The following ZNF333 variants were observed in gnomAD, a reference collection of about 807,000 sequenced individuals.
ZNF333 encodes zinc finger protein 333.
A neutral mutation model predicts 76.1 loss-of-function variants in ZNF333; 61 were observed. That is an observed-to-expected ratio of 0.80 (90% CI 0.65 to 0.99). The LOEUF is 0.99. Among genes scored for constraint, ZNF333 ranks in the 50% least tolerant of loss-of-function variants. ZNF333 has a pLI of 0.00. For missense variants in ZNF333, 717 were observed against 822.4 expected (o/e 0.87, Z 1.57); for synonymous variants, 284 against 305.0 (o/e 0.93, Z 0.72).
chr19:14,721,044 T>C lies in ZNF333; in HGVS notation c.*1719T>C. 1 of 824,674 alleles carries C rather than the reference T, an allele frequency of 1.2e-6. No homozygotes were observed. The highest frequency in any genetic ancestry group is 1.5e-6 in the Non-Finnish European group (1 of 683,732). The allele number at this position is 824,674 out of a possible 1,614,324, so 51.1% of individuals were successfully genotyped here. On this transcript the variant is annotated 3_prime_UTR_variant, in exon 12 of 12. Transcript: ENST00000292530. ...AACCATTCATTGTAATGATAGTAAA[T>C]ACTTATTTAGAGTTTACTATTAATA...
intron 7 of ZNF333, 46 bp from the exon 8 acceptor site, chr19:14,715,336 C>T: frequency 2.5e-6 from 4 of 1,577,950 alleles, no homozygotes; most frequent in South Asian, 1.1e-5. Flanking sequence ...TGAGTGTGCC[C>T]AGTAGGCCAG....
At chr19:14,702,106 A>G (rs532154138) in intron 5 of ZNF333, among the ~76,000 whole-genome samples, 22 of 152,262 alleles carry the variant, frequency 1.4e-4, no homozygotes, top group Admixed American at 2.6e-4. Flanking sequence ...TCCCTGTCAC[A>G]TGGGAAAAAG....
intron 5 of ZNF333, among the ~76,000 whole-genome samples, chr19:14,701,223 A>G (rs1215870505): frequency 2.0e-5 from 3 of 152,092 alleles, no homozygotes; most frequent in East Asian, 3.9e-4. Context: ...TCATTACAGA[A>G]CATCCTTTTT....
At position 14,699,155 on chromosome 19, in the gene ZNF333, A is replaced by G. The variant is rs749890500; in HGVS notation, c.224-44A>G. ...ATATATATTTTCAATTAATGTCACTATTTCTTTCTGAAAGGAGTTCATTTT... is the reference window on the plus strand; with the variant it reads ...ATATATATTTTCAATTAATGTCACTGTTTCTTTCTGAAAGGAGTTCATTTT... On this transcript the variant is annotated intron_variant, in intron 4 of 11. Transcript: ENST00000292530. The G allele has an allele frequency of 4.9e-6, 7 of 1,438,204 alleles. No individual in the cohort carries two copies. The Admixed American group carries it at 1.0e-4, about 21-fold the overall frequency. 89.1% of individuals were successfully genotyped at this position (1,438,204 alleles called of 1,614,324 possible). A position where few individuals can be genotyped will look rare whatever the true frequency, so the allele number is the denominator to read the frequency against.
At chr19:14,699,166 A>G in intron 4 of ZNF333, 33 bp from the exon 5 acceptor site, 1 of 1,539,630 alleles carries the variant, frequency 6.5e-7, no homozygotes, top group Admixed American at 1.7e-5. Context: ...TTTCTTTCTG[A>G]AAGGAGTTCA....
At chr19:14,697,871 T>G (rs1424922842) in intron 4 of ZNF333, among the ~76,000 whole-genome samples, 1 of 152,220 alleles carries the variant, frequency 6.6e-6, no homozygotes, top group East Asian at 1.9e-4. Flanking sequence ...ATCCAATTCC[T>G]CTTTAAATTT....
intron 3 of ZNF333, 82 bp downstream of exon 3, chr19:14,695,215 G>A (rs1973090824): frequency 6.5e-6 from 10 of 1,532,878 alleles, no homozygotes; most frequent in African/African-American, 4.1e-5. Context: ...GAAGACAGAC[G>A]TGGCTTAGGC....
rs1301281928 is a variant in ZNF333, at chr19:14,718,387, A to T, written c.1060A>T (p.Ile354Phe). 3 of 1,614,066 alleles carry T rather than the reference A, an allele frequency of 1.9e-6. No individual in the cohort carries two copies. The highest frequency in any genetic ancestry group is 1.7e-5 in the Admixed American group (1 of 60,002). ...TTCCTTCTTCCAGAGTGCCCACCTA[A>T]TTGTGCCCGAGAAAATCCGTAGTGG... is the stretch of plus-strand genomic sequence containing the variant. ...RNSFFQSAHL[I>F]VPEKIRSGDK... Residue 354 changes from isoleucine (I) to phenylalanine (F), a missense_variant, in exon 12 of 12, where the codon ATT becomes TTT. Physicochemically the swap from Ile to Phe is conservative, Grantham distance 21. Transcript: ENST00000292530.
At chr19:14,698,804 C>T (rs936938214) in intron 4 of ZNF333, among the ~76,000 whole-genome samples, 4 of 150,464 alleles carry the variant, frequency 2.7e-5, no homozygotes, top group African/African-American at 9.8e-5. Context: ...TGCGCCACTG[C>T]ACTCCAGCCT....
At chr19:14,704,435 C>G (rs970901622) in intron 5 of ZNF333, among the ~76,000 whole-genome samples, 1 of 152,166 alleles carries the variant, frequency 6.6e-6, no homozygotes, top group African/African-American at 2.4e-5. Context: ...TAGATGTACA[C>G]TACCACACTT....
At chr19:14,701,023 G>T (rs1278566711) in intron 5 of ZNF333, among the ~76,000 whole-genome samples, 4 of 152,162 alleles carry the variant, frequency 2.6e-5, no homozygotes, top group Admixed American at 2.6e-4. Context: ...AGACCCCTGG[G>T]CAGCTGACAG....
chr19:14,723,677 T>C (rs1467103911), downstream of ZNF333, among the ~76,000 whole-genome samples: 1 of 152,248 alleles, frequency 6.6e-6, no homozygotes, highest in Non-Finnish European at 1.5e-5. Context: ...GAAATGCAAC[T>C]GTTTTTTTGT....
chr19:14,721,069 AG>A lies in ZNF333; in HGVS notation c.*1745del. 2.2e-5 allele frequency: 15 copies of A among 668,512 alleles called. No homozygotes were observed. The highest frequency in any genetic ancestry group is 1.4e-4 in the East Asian group (1 of 7,330). The allele number at this position is 668,512 out of a possible 1,614,324, so 41.4% of individuals were successfully genotyped here. ...TACTTATTTAGAGTTTACTATTAATAGATAGTAGCCACTGCCTGAAGCTTTG... is the reference window on the plus strand; with the variant it reads ...TACTTATTTAGAGTTTACTATTAATAATAGTAGCCACTGCCTGAAGCTTTG... On this transcript the variant is annotated 3_prime_UTR_variant, in exon 12 of 12. Coordinates refer to ENST00000292530, the MANE Select transcript of ZNF333 (RefSeq NM_032433.4).
At chr19:14,716,019 GT>G in intron 8 of ZNF333, 92 bp from the exon 9 acceptor site, 1 of 1,573,678 alleles carries the variant, frequency 6.4e-7, no homozygotes, top group Admixed American at 1.8e-5. Context: ...CTCTGCCTGG[GT>G]TTTCCCTTCC....
At chr19:14,706,249 C>G in intron 6 of ZNF333, 1 of 447,934 alleles carries the variant, frequency 2.2e-6, no homozygotes, top group Non-Finnish European at 4.5e-6. Context: ...GTTTCCTGAG[C>G]GAGCAGCTGC....
rs917559792 is a variant in ZNF333 at position 14,692,329 on chromosome 19, C to T, written c.-41-1122C>T. Among the ~76,000 whole-genome samples the T allele has an allele frequency of 5.3e-5, 8 of 152,014 alleles. No individual in the cohort carries two copies. In the South Asian group the frequency reaches 8.3e-4, roughly 16 times the overall value. On this transcript the variant is annotated intron_variant, in intron 1 of 11. Transcript: ENST00000292530. ...GGGGTCTAGCTGTGGAGTGGGGTAG[C>T]GGAGGAAACTTGAGAGAACATTCCA...
downstream of ZNF333, among the ~76,000 whole-genome samples, chr19:14,724,266 T>C (rs4807988): frequency 0.71 from 107,638 of 152,078 alleles, 39,308 homozygotes; most frequent in African/African-American, 0.87. Context: ...TACACACACT[T>C]TAGAAGGGCT....
Position 14,721,280 on chromosome 19 carries a change from C to CTTTTTTTTTTTTTTTT in ZNF333, c.*1965_*1980dup, listed in dbSNP as rs56066058. ...GGACTAGTCTCCATTTTTACTTGTTCTTTTTTTTTTTTTTTTTTTTTTTTT... is the reference window on the plus strand; with the variant it reads ...GGACTAGTCTCCATTTTTACTTGTTCTTTTTTTTTTTTTTTTTTTTTTTTTTTTTTTTTTTTTTTTT... On this transcript the variant is annotated 3_prime_UTR_variant, in exon 12 of 12. Coordinates refer to ENST00000292530, the MANE Select transcript of ZNF333 (RefSeq NM_032433.4). 46 of 87,868 alleles carry CTTTTTTTTTTTTTTTT rather than the reference C, an allele frequency of 5.2e-4. No individual in the cohort carries two copies. Among genetic ancestry groups the CTTTTTTTTTTTTTTTT allele is most frequent in the Non-Finnish European group, 7.8e-4 (37 of 47,634 alleles). The allele number at this position is 87,868 out of a possible 1,614,324, so 5.4% of individuals were successfully genotyped here.
chr19:14,697,809 C>T lies in ZNF333; in HGVS notation c.224-1390C>T, dbSNP rs531132692. On this transcript the variant is annotated intron_variant, in intron 4 of 11. Coordinates refer to ENST00000292530, the MANE Select transcript of ZNF333 (RefSeq NM_032433.4). ...ACACAGGTACACCATTTTACATTCC[C>T]ACCAGCGGAGATGAGAGTTTTGATT... is the stretch of plus-strand genomic sequence containing the variant. 4.4e-4 allele frequency among the ~76,000 whole-genome samples: 67 copies of T among 152,318 alleles called. 1 individual carries two copies. Among genetic ancestry groups the T allele is most frequent in the Middle Eastern group, 3.4e-3 (1 of 294 alleles).
Sources: allele counts gnomAD v4.1 joint callset (sites outside exome capture counted in the v4.1 genomes callset), GRCh38; gene constraint gnomAD v4.1.1; transcripts MANE v1.5; gene names NCBI Gene and HGNC (gene_info 2026-07-23, HGNC 2026-07-21).